NRG2: variants seen among roughly 807,000 people sequenced by gnomAD.
The protein encoded by NRG2 is pro-neuregulin-2, membrane-bound isoform.
A neutral mutation model predicts 73.9 loss-of-function variants in NRG2; 27 were observed. The ratio of observed to expected loss-of-function variants is 0.37; its 90% CI spans 0.27 to 0.50. The LOEUF is 0.50. Among genes scored for constraint, NRG2 ranks in the 20% least tolerant of loss-of-function variants. The pLI is 0.96. For synonymous variants in NRG2, 532 were observed against 541.0 expected, an observed-to-expected ratio of 0.98 and a Z score of 0.23; for missense variants, 1,126 against 1,210.1, an observed-to-expected ratio of 0.93 and a Z score of 1.03.
intron 1 of NRG2, among the ~76,000 whole-genome samples, chr5:139,929,193 C>T (rs2126361899): frequency 6.6e-6 from 1 of 152,340 alleles, no homozygotes; most frequent in East Asian, 1.9e-4. Flanking sequence ...TGTTCTGCCT[C>T]ACACAGTCTG....
At chr5:140,004,992 C>A (rs1263456451) in intron 1 of NRG2, among the ~76,000 whole-genome samples, 5 of 152,156 alleles carry the variant, frequency 3.3e-5, no homozygotes, top group African/African-American at 4.8e-5. Context: ...AAGATTAAGT[C>A]TTTAAATCTA....
intron 1 of NRG2, among the ~76,000 whole-genome samples, chr5:139,900,390 C>T (rs1262487852): frequency 6.6e-6 from 1 of 152,178 alleles, no homozygotes; most frequent in Non-Finnish European, 1.5e-5. Flanking sequence ...TATGTAGTTA[C>T]CATGTGGCCA....
chr5:139,988,874 T>A lies in NRG2; in HGVS notation c.700+53496A>T, dbSNP rs368211882. The stretch of plus-strand genomic sequence containing the variant: ...GATATTGTAATTGGGAGCCTGAACA[T>A]GTATGAGGGCAGAGGCCATATGGGA... On this transcript the variant is annotated intron_variant, in intron 1 of 9. Coordinates refer to ENST00000361474, the MANE Select transcript of NRG2 (RefSeq NM_004883.3). Among the ~76,000 whole-genome samples, 141 of 152,096 alleles carry A rather than the reference T, an allele frequency of 9.3e-4. 3 individuals are homozygous for A. In the South Asian group the frequency reaches 0.022, roughly 24 times the overall value.
intron 2 of NRG2, 137 bp from the exon 3 acceptor site, chr5:139,881,111 C>A: frequency 1.5e-6 from 1 of 681,180 alleles, no homozygotes; most frequent in Non-Finnish European, 2.6e-6. Context: ...ATTCCCTCCC[C>A]CCAGCAATTT....
rs746735011 is a variant in NRG2 at position 139,848,596 on chromosome 5, G to A, written c.1874C>T (p.Ser625Leu). The change falls in exon 10 of 10, where the codon TCG becomes TTG. Residue 625 changes from serine to leucine, a missense_variant. Around this residue, in one of 3 missense-constraint regions of NRG2, gnomAD observed 402 missense variants for 357.8 expected, o/e 1.12. Coordinates refer to ENST00000361474, the MANE Select transcript of NRG2 (RefSeq NM_004883.3). ...CGGCGGCAGCGACACGGCGTGCGCCGAGTTGGGGGACGTGATCTCGAAAGT... is the reference window on the plus strand; with the variant it reads ...CGGCGGCAGCGACACGGCGTGCGCCAAGTTGGGGGACGTGATCTCGAAAGT... ...VPTFEITSPN[S>L]AHAVSLPPAA... is the part of the protein sequence containing the mutation. 4.5e-6 allele frequency: 7 copies of A among 1,572,014 alleles called. No individual in the cohort carries two copies. The highest frequency in any genetic ancestry group is 1.4e-5 in the African/African-American group (1 of 72,216).
At chr5:139,964,226 G>C (rs2126510097) in intron 1 of NRG2, among the ~76,000 whole-genome samples, 1 of 152,252 alleles carries the variant, frequency 6.6e-6, no homozygotes, top group South Asian at 2.1e-4. Context: ...CTGGAAAATG[G>C]TAATAACTCG....
At chr5:140,040,186 T>C (rs1187015180) in intron 1 of NRG2, among the ~76,000 whole-genome samples, 1 of 152,216 alleles carries the variant, frequency 6.6e-6, no homozygotes, top group African/African-American at 2.4e-5. Context: ...CCTATTTATA[T>C]ACTTCCCTTT....
intron 1 of NRG2, among the ~76,000 whole-genome samples, chr5:139,969,687 C>T (rs1299466021): frequency 1.3e-5 from 2 of 152,206 alleles, no homozygotes; most frequent in East Asian, 1.9e-4. Context: ...AAATAAGACA[C>T]AACTCTTGCC....
chr5:139,910,493 C>G (rs1023286892), intron 1 of NRG2, among the ~76,000 whole-genome samples: 24 of 152,228 alleles, frequency 1.6e-4, no homozygotes, highest in Admixed American at 6.5e-5. Context: ...CTTAGTTTCC[C>G]CTTCAAAACA....
At chr5:140,029,864 G>T (rs1761001256) in intron 1 of NRG2, among the ~76,000 whole-genome samples, 1 of 152,028 alleles carries the variant, frequency 6.6e-6, no homozygotes, top group Non-Finnish European at 1.5e-5. Flanking sequence ...AGAAAGAAGG[G>T]AGAGGGGAAA....
chr5:139,943,999 AT>A (rs1753604387), intron 1 of NRG2, among the ~76,000 whole-genome samples: 1 of 152,192 alleles, frequency 6.6e-6, no homozygotes, highest in African/African-American at 2.4e-5. Flanking sequence ...CACAAATATT[AT>A]TCTTTGTACT....
At position 139,904,180 on chromosome 5, in the gene NRG2, T is replaced by C; in HGVS notation, c.701-16669A>G. 1.0e-6 allele frequency: 1 copy of C among 960,572 alleles called. No individual in the cohort carries two copies. The highest frequency in any genetic ancestry group is 1.4e-6 in the Non-Finnish European group (1 of 720,634). 59.5% of individuals were successfully genotyped at this position (960,572 alleles called of 1,614,324 possible). A position where few individuals can be genotyped will look rare whatever the true frequency, so the allele number is the denominator to read the frequency against. Reference sequence around the variant, plus strand: ...CGCTCGCACGCAGGCACGCGCGCCCTCGGTGCCTGTCACCGCGGCGGCCGC... The same window carrying C: ...CGCTCGCACGCAGGCACGCGCGCCCCCGGTGCCTGTCACCGCGGCGGCCGC... On this transcript the variant is annotated intron_variant, in intron 1 of 9. Coordinates refer to ENST00000361474, the MANE Select transcript of NRG2 (RefSeq NM_004883.3). The surrounding 1 kb of genome is among the most constrained non-coding windows in gnomAD (Gnocchi z 6.0).
chr5:139,927,467 T>C (rs1181385850), intron 1 of NRG2, among the ~76,000 whole-genome samples: 1 of 152,128 alleles, frequency 6.6e-6, no homozygotes, highest in African/African-American at 2.4e-5. Flanking sequence ...TCAGAAACTG[T>C]GGGATAGCTC....
chr5:139,888,158 C>A (rs1763992656), intron 1 of NRG2, among the ~76,000 whole-genome samples: 1 of 151,636 alleles, frequency 6.6e-6, no homozygotes, highest in Non-Finnish European at 1.5e-5. Context: ...AGAAAGTACT[C>A]TCTTCTCAGG....
intron 1 of NRG2, among the ~76,000 whole-genome samples, chr5:140,009,866 A>T (rs887205149): frequency 6.6e-5 from 10 of 152,244 alleles, no homozygotes; most frequent in African/African-American, 1.9e-4. Context: ...AAAAGCTTAC[A>T]TATTACATCA....
In NRG2 at chr5:139,860,334, T is replaced by C. The variant is rs548646991; in HGVS notation, c.1190-4556A>G. Among the ~76,000 whole-genome samples, 360 of 151,846 alleles carry C rather than the reference T, an allele frequency of 2.4e-3. 2 individuals are homozygous for C. The highest frequency in any genetic ancestry group is 8.4e-3 in the African/African-American group (349 of 41,416). On this transcript the variant is annotated intron_variant, in intron 5 of 9. Transcript: ENST00000361474. Reference sequence around the variant, plus strand: ...AGCACTCTCAACTCTCAAGCCTTCCTGCAGACAGCTTGCCCAGCTCCCTCA... The same window carrying C: ...AGCACTCTCAACTCTCAAGCCTTCCCGCAGACAGCTTGCCCAGCTCCCTCA...
chr5:139,866,567 G>A lies in NRG2; in HGVS notation c.1113-942C>T, dbSNP rs151140460. On this transcript the variant is annotated intron_variant, in intron 4 of 9. Coordinates refer to ENST00000361474, the MANE Select transcript of NRG2 (RefSeq NM_004883.3). ...GTAGCAAGGACCACAAAAGGGATTGGAGCAGGCTCGCTGGGGGACCCTGGA... is the reference window on the plus strand; with the variant it reads ...GTAGCAAGGACCACAAAAGGGATTGAAGCAGGCTCGCTGGGGGACCCTGGA... 3.2e-3 allele frequency among the ~76,000 whole-genome samples: 482 copies of A among 152,270 alleles called. 2 individuals carry two copies. Among genetic ancestry groups the A allele is most frequent in the Non-Finnish European group, 5.0e-3 (343 of 68,014 alleles).
intron 1 of NRG2, among the ~76,000 whole-genome samples, chr5:140,012,484 T>C (rs71581525): frequency 6.6e-6 from 1 of 152,134 alleles, no homozygotes; most frequent in African/African-American, 2.4e-5. Flanking sequence ...TTCCTTGAAC[T>C]CTTCTTCTCT....
intron 1 of NRG2, among the ~76,000 whole-genome samples, chr5:140,010,724 A>G (rs1759298464): frequency 6.6e-6 from 1 of 152,200 alleles, no homozygotes; most frequent in Admixed American, 6.5e-5. Context: ...GACATATGCC[A>G]GGACTGAGTC....
Sources: gnomAD v4.1 joint callset for allele counts (sites outside exome capture counted in the v4.1 genomes callset) on GRCh38, gnomAD v4.1.1 for gene constraint, gnomAD v4.1.1 regional missense constraint, Gnocchi (gnomAD v3.1) non-coding constraint, MANE v1.5 for transcripts, NCBI Gene and HGNC (gene_info 2026-07-23, HGNC 2026-07-21) for gene names.